NALF1: variants seen among roughly 807,000 people sequenced by gnomAD.
The protein encoded by NALF1 is family with sequence similarity 155 member A.
Under a neutral mutation model 48.4 loss-of-function variants are expected in NALF1, and 3 were observed. The ratio of observed to expected loss-of-function variants is 0.06; its 90% CI spans 0.03 to 0.16. The LOEUF (loss-of-function observed/expected upper bound fraction) is 0.16. Among genes scored for constraint, NALF1 ranks in the 10% least tolerant of loss-of-function variants. NALF1 has a pLI of 1.00. For missense variants in NALF1, 526 were observed against 571.5 expected (o/e 0.92, Z 0.81); for synonymous variants, 262 against 245.7 (o/e 1.07, Z -0.62).
intron 1 of NALF1, among the ~76,000 whole-genome samples, chr13:107,333,093 G>A (rs903664081): frequency 1.5e-4 from 23 of 152,152 alleles, no homozygotes; most frequent in Admixed American, 5.2e-4. Context: ...TGATCTGCCC[G>A]CCTCGGCCTC....
rs34486058 is a variant in NALF1 at position 107,555,439 on chromosome 13, ATTTTTTT to A, written c.915+310236_915+310242del. On this transcript the variant is annotated intron_variant, in intron 1 of 2. Coordinates refer to ENST00000375915, the MANE Select transcript of NALF1 (RefSeq NM_001080396.3). ...AGGTTCCTGCCACCAAGCCTGGCTA[ATTTTTTT>A]TTTTTTTTTTTTTTTTTTTTGTATT... Among the ~76,000 whole-genome samples the A allele has an allele frequency of 0.031, 2,186 of 69,978 alleles. 151 individuals are homozygous for A. In the East Asian group the frequency reaches 0.41, roughly 13 times the overall value. 45.9% of individuals were successfully genotyped at this position (69,978 alleles called of 152,430 possible).
At chr13:107,386,068 C>T (rs1038094929) in intron 1 of NALF1, among the ~76,000 whole-genome samples, 1 of 151,800 alleles carries the variant, frequency 6.6e-6, no homozygotes, top group Non-Finnish European at 1.5e-5. Context: ...AATAGAGCTT[C>T]CACCTTTAAA....
At chr13:107,709,545 T>C (rs1225460349) in intron 1 of NALF1, among the ~76,000 whole-genome samples, 2 of 152,248 alleles carry the variant, frequency 1.3e-5, no homozygotes, top group African/African-American at 4.8e-5. Context: ...GGAAAGGAGA[T>C]AGTCTAGATT....
chr13:107,488,574 C>G (rs746382129), intron 1 of NALF1, among the ~76,000 whole-genome samples: 14 of 152,020 alleles, frequency 9.2e-5, no homozygotes, highest in Non-Finnish European at 1.6e-4. Flanking sequence ...TATTCAACAT[C>G]CCTTTATGTT....
intron 1 of NALF1, among the ~76,000 whole-genome samples, chr13:107,561,751 C>T (rs1365090768): frequency 6.6e-6 from 1 of 152,196 alleles, no homozygotes; most frequent in African/African-American, 2.4e-5. Flanking sequence ...ATTTCATCTT[C>T]CCCACTTCCT....
At chr13:107,364,308 T>C (rs1176291807) in intron 1 of NALF1, among the ~76,000 whole-genome samples, 1 of 152,234 alleles carries the variant, frequency 6.6e-6, no homozygotes, top group Non-Finnish European at 1.5e-5. Context: ...ATTACTTAAT[T>C]TTTTAGATGA....
intron 1 of NALF1, among the ~76,000 whole-genome samples, chr13:107,857,468 G>A (rs1880466874): frequency 6.6e-6 from 1 of 152,168 alleles, no homozygotes; most frequent in Admixed American, 6.5e-5. Context: ...AGGTTTACAG[G>A]AGATGGAGGA....
chr13:107,693,773 T>A (rs1243245317), intron 1 of NALF1, among the ~76,000 whole-genome samples: 1 of 152,116 alleles, frequency 6.6e-6, no homozygotes, highest in Non-Finnish European at 1.5e-5. Context: ...GTCATAAATG[T>A]ACACACTGAA....
chr13:107,234,672 C>G (rs1343730944), intron 1 of NALF1, among the ~76,000 whole-genome samples: 1 of 151,540 alleles, frequency 6.6e-6, no homozygotes, highest in African/African-American at 2.4e-5. Context: ...TGACGTCCCC[C>G]AAGTCCTTGC....
chr13:107,625,094 G>A (rs1198322875), intron 1 of NALF1, among the ~76,000 whole-genome samples: 4 of 152,050 alleles, frequency 2.6e-5, no homozygotes, highest in African/African-American at 9.7e-5. Context: ...TCCCTTATGG[G>A]CAGATGCAGA....
chr13:107,714,582 T>C (rs1292841260), intron 1 of NALF1, among the ~76,000 whole-genome samples: 2 of 141,872 alleles, frequency 1.4e-5, no homozygotes, highest in Non-Finnish European at 3.0e-5. Context: ...TGAGCCGAGA[T>C]TGCACCACCG....
At chr13:107,434,957 C>T (rs1884440518) in intron 1 of NALF1, among the ~76,000 whole-genome samples, 1 of 152,146 alleles carries the variant, frequency 6.6e-6, no homozygotes, top group Non-Finnish European at 1.5e-5. Context: ...TCGATCTTCT[C>T]AACTTCATTG....
At chr13:107,562,856 A>C (rs1217970124) in intron 1 of NALF1, among the ~76,000 whole-genome samples, 1 of 152,128 alleles carries the variant, frequency 6.6e-6, no homozygotes, top group Non-Finnish European at 1.5e-5. Context: ...TCACGGAAAA[A>C]ATTACCTTCC....
At chr13:107,791,513 C>CA (rs1566483213) in intron 1 of NALF1, among the ~76,000 whole-genome samples, 1 of 151,948 alleles carries the variant, frequency 6.6e-6, no homozygotes, top group Admixed American at 6.6e-5. Flanking sequence ...TGCAGAAACC[C>CA]AAAAAACATT....
chr13:107,305,178 C>T (rs1163059341), intron 1 of NALF1, among the ~76,000 whole-genome samples: 2 of 152,186 alleles, frequency 1.3e-5, no homozygotes, highest in Non-Finnish European at 2.9e-5. Flanking sequence ...ACACTCACAA[C>T]ATCTCTACAA....
chr13:107,535,607 C>T (rs1226883727), intron 1 of NALF1, among the ~76,000 whole-genome samples: 2 of 152,120 alleles, frequency 1.3e-5, no homozygotes, highest in Non-Finnish European at 2.9e-5. Context: ...ACATTCCATG[C>T]TCATGGATAT....
intron 1 of NALF1, among the ~76,000 whole-genome samples, chr13:107,647,504 T>C (rs567902367): frequency 1.3e-5 from 2 of 151,166 alleles, no homozygotes; most frequent in Admixed American, 6.6e-5. Context: ...CTGATGGACA[T>C]ATAGATTGTT....
At chr13:107,864,901 A>T (rs1489337123) in intron 1 of NALF1, among the ~76,000 whole-genome samples, 1 of 152,250 alleles carries the variant, frequency 6.6e-6, no homozygotes, top group Non-Finnish European at 1.5e-5. Flanking sequence ...TAAATATTTC[A>T]GTAAATTTTA....
intron 1 of NALF1, among the ~76,000 whole-genome samples, chr13:107,737,833 T>C (rs535037680): frequency 6.6e-6 from 1 of 152,318 alleles, no homozygotes; most frequent in East Asian, 1.9e-4. Flanking sequence ...TAAAAACAAT[T>C]TCCTTCTTCC....
Sources: gnomAD v4.1 joint callset for allele counts (sites outside exome capture counted in the v4.1 genomes callset) on GRCh38, gnomAD v4.1.1 for gene constraint, MANE v1.5 for transcripts, NCBI Gene and HGNC (gene_info 2026-07-23, HGNC 2026-07-21) for gene names.